The following TK2 variants were observed in gnomAD, a reference collection of about 807,000 sequenced individuals.
TK2 encodes thymidine kinase 2.
Under a neutral mutation model 41.9 loss-of-function variants are expected in TK2, and 35 were observed. The observed-to-expected ratio is 0.84, with a 90% CI of 0.64 to 1.11. The LOEUF is 1.11. Ranked by LOEUF, TK2 falls within the 50% of genes least tolerant of loss-of-function variation. The pLI, the probability that TK2 is intolerant of heterozygous loss-of-function variation, is 0.00. For synonymous variants in TK2, 128 were observed against 129.1 expected (o/e 0.99, Z 0.06); for missense variants, 320 against 351.1 (o/e 0.91, Z 0.71).
chr16:66,517,784 C>T lies in TK2; in HGVS notation c.538+5G>A. The T allele has an allele frequency of 6.2e-7, 1 of 1,613,782 alleles. No homozygotes were observed. The highest frequency in any genetic ancestry group is 8.5e-7 in the Non-Finnish European group (1 of 1,179,774). On this transcript the variant is annotated splice_donor_5th_base_variant and intron_variant, in intron 7 of 9. Coordinates refer to ENST00000544898, the MANE Select transcript of TK2 (RefSeq NM_004614.5). This position sits in a 1 kb window ranked among gnomAD's most constrained non-coding sequence, Gnocchi z 4.3. ...AGAGAGGGAGGTGGGAGGGGTGCATCTCACCTATCAAATCAACAGACACGT... is the reference window on the plus strand; with the variant it reads ...AGAGAGGGAGGTGGGAGGGGTGCATTTCACCTATCAAATCAACAGACACGT...
chr16:66,547,968 C>G lies in TK2; in HGVS notation c.156+1010G>C, dbSNP rs1486333577. The G allele has an allele frequency of 2.3e-6, 3 of 1,288,470 alleles. No homozygotes were observed. In the African/African-American group the frequency reaches 4.6e-5, roughly 20 times the overall value. The allele number at this position is 1,288,470 out of a possible 1,614,324, so 79.8% of individuals were successfully genotyped here. A position where few individuals can be genotyped will look rare whatever the true frequency, so the allele number is the denominator to read the frequency against. Reference sequence around the variant, plus strand: ...TAATAAATAGCCAGGCACAGTGGCTCACACTTGTCATCACAGCTACTCAGG... The same window carrying G: ...TAATAAATAGCCAGGCACAGTGGCTGACACTTGTCATCACAGCTACTCAGG... On this transcript the variant is annotated intron_variant, in intron 2 of 9. Coordinates refer to ENST00000544898, the MANE Select transcript of TK2 (RefSeq NM_004614.5).
chr16:66,540,956 T>TA (rs1344215101), intron 3 of TK2, among the ~76,000 whole-genome samples: 1 of 152,252 alleles, frequency 6.6e-6, no homozygotes, highest in Non-Finnish European at 1.5e-5. Context: ...ATTTTACAAA[T>TA]ACAAACAGTT....
At chr16:66,513,592 C>A (rs1462430237) in intron 9 of TK2, 139 bp downstream of exon 9, 2 of 803,196 alleles carry the variant, frequency 2.5e-6, no homozygotes, top group African/African-American at 3.4e-5. Context: ...AGAGAGAGCA[C>A]CAGCCTTCCC....
At chr16:66,543,298 G>A (rs1965511179) in intron 2 of TK2, among the ~76,000 whole-genome samples, 1 of 152,208 alleles carries the variant, frequency 6.6e-6, no homozygotes, top group Non-Finnish European at 1.5e-5. Context: ...TGCACCAGAG[G>A]AGCTGGTTAA....
chr16:66,550,225 G>GT (rs757875472), upstream of TK2: 23 of 1,609,028 alleles, frequency 1.4e-5, no homozygotes, highest in African/African-American at 2.5e-4. Flanking sequence ...GAAGGGAGAG[G>GT]TTCGCCGCTG....
chr16:66,548,037 A>G (rs892696000), intron 2 of TK2: 2 of 1,030,040 alleles, frequency 1.9e-6, no homozygotes, highest in Non-Finnish European at 2.7e-6. Context: ...GTTGGAGGCC[A>G]GCCTGGGCAA....
chr16:66,539,796 C>G (rs1337561830), intron 3 of TK2, among the ~76,000 whole-genome samples: 1 of 152,128 alleles, frequency 6.6e-6, no homozygotes, highest in Admixed American at 6.5e-5. Flanking sequence ...AGCAGGCAAG[C>G]TGGCCTGAAC....
intron 6 of TK2, among the ~76,000 whole-genome samples, chr16:66,524,239 A>C (rs972116378): frequency 6.6e-6 from 1 of 152,200 alleles, no homozygotes; most frequent in Non-Finnish European, 1.5e-5. Context: ...GGTCCAGTGA[A>C]GCCCCAAGGA....
intron 1 of TK2, 138 bp from the exon 2 acceptor site, chr16:66,549,147 C>G: frequency 6.5e-7 from 1 of 1,531,364 alleles, no homozygotes. Flanking sequence ...TGGGCGCCCT[C>G]CGAGATTGGA....
intron 6 of TK2, among the ~76,000 whole-genome samples, chr16:66,521,923 T>C (rs1964791926): frequency 6.6e-6 from 1 of 152,206 alleles, no homozygotes; most frequent in African/African-American, 2.4e-5. Context: ...TCTTGCATCC[T>C]TCCCTGAGGC....
At chr16:66,518,743 C>G (rs1379273405) in intron 6 of TK2, among the ~76,000 whole-genome samples, 1 of 151,994 alleles carries the variant, frequency 6.6e-6, no homozygotes. Context: ...TGTGTATATC[C>G]CAACCACATT....
intron 6 of TK2, among the ~76,000 whole-genome samples, chr16:66,524,404 T>C (rs557411883): frequency 6.6e-6 from 1 of 152,238 alleles, no homozygotes; most frequent in South Asian, 2.1e-4. Context: ...GGTATGCTCA[T>C]AGCTCACTGC....
chr16:66,528,479 G>A (rs920193575), intron 6 of TK2, among the ~76,000 whole-genome samples: 1 of 152,234 alleles, frequency 6.6e-6, no homozygotes, highest in African/African-American at 2.4e-5. Flanking sequence ...GTACCATGCT[G>A]TGTAACTCAC....
At chr16:66,538,973 A>G (rs1965370353) in intron 3 of TK2, among the ~76,000 whole-genome samples, 1 of 152,160 alleles carries the variant, frequency 6.6e-6, no homozygotes, top group Admixed American at 6.5e-5. Flanking sequence ...TTCCTCATCT[A>G]AAACTGTGGT....
In TK2 at chr16:66,511,848, G is replaced by C; in HGVS notation, c.*120C>G. On this transcript the variant is annotated 3_prime_UTR_variant, in exon 10 of 10. Transcript: ENST00000544898. ...ACTAGCAAAGGAGATGAGACCATTAGGAAAATCAAGCTGGCCAGACACAAA... is the reference window on the plus strand; with the variant it reads ...ACTAGCAAAGGAGATGAGACCATTACGAAAATCAAGCTGGCCAGACACAAA... 1.2e-6 allele frequency: 1 copy of C among 831,888 alleles called. No individual in the cohort carries two copies. The allele number at this position is 831,888 out of a possible 1,614,324, so 51.5% of individuals were successfully genotyped here. A position where few individuals can be genotyped will look rare whatever the true frequency, so the allele number is the denominator to read the frequency against.
At chr16:66,531,024 A>T (rs1293823439) in intron 5 of TK2, among the ~76,000 whole-genome samples, 1 of 152,156 alleles carries the variant, frequency 6.6e-6, no homozygotes, top group East Asian at 1.9e-4. Flanking sequence ...CACCCAGCTG[A>T]AAATGTGCAT....
chr16:66,515,498 A>C (rs1253794411), intron 8 of TK2, among the ~76,000 whole-genome samples: 1 of 152,382 alleles, frequency 6.6e-6, no homozygotes, highest in Non-Finnish European at 1.5e-5. Flanking sequence ...TCTCCCAGGC[A>C]CAGAGTGGGA....
rs933858428 is a variant in TK2 at position 66,514,711 on chromosome 16, C to T, written c.619-900G>A. Reference sequence around the variant, plus strand: ...TGAGAACGGGCCATGATGACGATGGCGGTTTTGTCTAATAGAAAAGGGGGA... The same window carrying T: ...TGAGAACGGGCCATGATGACGATGGTGGTTTTGTCTAATAGAAAAGGGGGA... On this transcript the variant is annotated intron_variant, in intron 8 of 9. Coordinates refer to ENST00000544898, the MANE Select transcript of TK2 (RefSeq NM_004614.5). The surrounding 1 kb of genome is among the most constrained non-coding windows in gnomAD (Gnocchi z 4.2). 6.6e-6 allele frequency among the ~76,000 whole-genome samples: 1 copy of T among 152,010 alleles called. No homozygotes were observed. The highest frequency in any genetic ancestry group is 2.4e-5 in the African/African-American group (1 of 41,380).
chr16:66,521,727 G>A (rs1223844564), intron 6 of TK2, among the ~76,000 whole-genome samples: 6 of 152,168 alleles, frequency 3.9e-5, no homozygotes, highest in East Asian at 1.9e-4. Flanking sequence ...CCACACCACC[G>A]ACAAGACAAG....
Sources: allele counts gnomAD v4.1 joint callset (sites outside exome capture counted in the v4.1 genomes callset), GRCh38; gene constraint gnomAD v4.1.1; non-coding constraint Gnocchi (gnomAD v3.1); transcripts MANE v1.5; gene names NCBI Gene and HGNC (gene_info 2026-07-23, HGNC 2026-07-21).